VBP1: variants seen among roughly 807,000 people sequenced by gnomAD.
The protein encoded by VBP1 is prefoldin subunit 3.
VBP1 carries 4 observed loss-of-function variants against 15.5 expected under a neutral mutation model. That is an observed-to-expected ratio of 0.26 (90% confidence interval 0.13 to 0.59). VBP1 has a LOEUF of 0.59. VBP1 is among the 20% of genes least tolerant of loss of function. VBP1 has a pLI of 0.90. For missense variants in VBP1, 108 were observed against 139.6 expected (o/e 0.77, Z 1.14); for synonymous variants, 61 against 52.1 (o/e 1.17, Z -0.74).
intron 2 of VBP1, among the ~76,000 whole-genome samples, chrX:155,223,816 C>A (rs1273305788): frequency 9.6e-6 from 1 of 104,654 alleles, no homozygotes; most frequent in South Asian, 4.3e-4. Context: ...GGCGGCTGGC[C>A]GGGCGGGGGC....
intron 1 of VBP1, among the ~76,000 whole-genome samples, chrX:155,217,268 T>C (rs2074669632): frequency 8.9e-6 from 1 of 112,158 alleles, no homozygotes; most frequent in African/African-American, 3.2e-5. Flanking sequence ...CCAGGTTCGC[T>C]AGTGTCCTAG....
chrX:155,203,750 A>G (rs782767008), intron 1 of VBP1, among the ~76,000 whole-genome samples: 1 of 111,081 alleles, frequency 9.0e-6, no homozygotes, highest in Non-Finnish European at 1.9e-5. Flanking sequence ...CCTAAAACTT[A>G]AAGTATAATA....
chrX:155,217,883 GGC>G (rs782140416), intron 1 of VBP1, among the ~76,000 whole-genome samples: 3 of 111,552 alleles, frequency 2.7e-5, no homozygotes, highest in South Asian at 7.5e-4. Flanking sequence ...GGTCCAGACT[GGC>G]AGCTTACCCC....
intron 4 of VBP1, among the ~76,000 whole-genome samples, chrX:155,232,244 G>C (rs2074750783): frequency 9.5e-6 from 1 of 105,779 alleles, no homozygotes; most frequent in Non-Finnish European, 1.9e-5. Context: ...TTTTTTGATA[G>C]ACATTTAGGT....
intron 2 of VBP1, among the ~76,000 whole-genome samples, chrX:155,226,009 T>C (rs782152469): frequency 1.8e-5 from 2 of 112,319 alleles, no homozygotes; most frequent in Admixed American, 9.4e-5. Flanking sequence ...GTGACTTCTT[T>C]TATGTGACGC....
chrX:155,233,291 G>A (rs781911763), intron 4 of VBP1, among the ~76,000 whole-genome samples: 2 of 111,719 alleles, frequency 1.8e-5, no homozygotes, highest in South Asian at 7.8e-4. Context: ...CTCTGTGGTT[G>A]AGGTCCCTGT....
intron 2 of VBP1, among the ~76,000 whole-genome samples, chrX:155,224,814 T>C (rs1450052677): frequency 8.9e-6 from 1 of 112,294 alleles, no homozygotes; most frequent in African/African-American, 3.2e-5. Flanking sequence ...TAATTTTTTT[T>C]CCTCTTTCTT....
At chrX:155,198,826 A>T (rs1379207364) in intron 1 of VBP1, among the ~76,000 whole-genome samples, 1 of 109,593 alleles carries the variant, frequency 9.1e-6, no homozygotes, top group African/African-American at 3.3e-5. Flanking sequence ...ACAGGAGGAA[A>T]TTCAAACCAA....
At chrX:155,217,734 A>G (rs1012606011) in intron 1 of VBP1, among the ~76,000 whole-genome samples, 1 of 111,959 alleles carries the variant, frequency 8.9e-6, no homozygotes, top group Non-Finnish European at 1.9e-5. Context: ...TGATTTTACA[A>G]AACTCGAGGT....
At position 155,220,314 on chromosome X, in the gene VBP1, G is replaced by T; in HGVS notation, c.218+7G>T. The T allele has an allele frequency of 8.7e-7, 1 of 1,142,864 alleles. No individual in the cohort carries two copies. The highest frequency in any genetic ancestry group is 1.2e-6 in the Non-Finnish European group (1 of 864,567). The allele number at this position is 1,142,864 out of a possible 1,213,427, so 94.2% of individuals were successfully genotyped here. A position where few individuals can be genotyped will look rare whatever the true frequency, so the allele number is the denominator to read the frequency against. ...TTGCTCAAAAGAAAAGAAGGTAAGT[G>T]TAAAAATTTCTAAGTTTTGAAAATC... On this transcript the variant is annotated splice_region_variant and intron_variant, in intron 2 of 5. Coordinates refer to ENST00000286428, the MANE Select transcript of VBP1 (RefSeq NM_003372.7).
chrX:155,205,828 G>A lies in VBP1; in HGVS notation c.-30-3046G>A, dbSNP rs782199432. 1.3e-4 allele frequency among the ~76,000 whole-genome samples: 14 copies of A among 111,697 alleles called. No homozygotes were observed. The East Asian group carries it at 3.7e-3, about 29-fold the overall frequency. On this transcript the variant is annotated intron_variant, in intron 1 of 6. Transcript: ENST00000535916. ...TTGAAGTAAGGCAGGAACAACCCATGTTTGTATTAAAGGACATTGAGGTTG... is the reference window on the plus strand; with the variant it reads ...TTGAAGTAAGGCAGGAACAACCCATATTTGTATTAAAGGACATTGAGGTTG...
chrX:155,216,145 G>A (rs1337931348), upstream of VBP1, among the ~76,000 whole-genome samples: 1 of 110,846 alleles, frequency 9.0e-6, no homozygotes, highest in Non-Finnish European at 1.9e-5. Flanking sequence ...GCCAGTTCTA[G>A]GGTCGGGGTG....
At chrX:155,214,767 C>CTTTTTTTTTTTTT (rs2074656436), upstream of VBP1, among the ~76,000 whole-genome samples, 8 of 57,343 alleles carry the variant, frequency 1.4e-4, no homozygotes, top group South Asian at 6.7e-4. Context: ...TTTTTCTTTT[C>CTTTTTTTTTTTTT]CTTTTTTTTT....
chrX:155,216,563 G>C lies in VBP1; in HGVS notation c.81G>C (p.Glu27Asp), dbSNP rs1054919996. The C allele has an allele frequency of 2.0e-5, 23 of 1,167,891 alleles. No homozygotes were observed. Among genetic ancestry groups the C allele is most frequent in the Non-Finnish European group, 2.5e-5 (22 of 873,338 alleles). The change falls in exon 1 of 6, where the codon GAG becomes GAC. Residue 27 changes from glutamate to aspartate, a missense_variant. Glu to Asp is a conservative substitution (Grantham distance 45). Coordinates refer to ENST00000286428, the MANE Select transcript of VBP1 (RefSeq NM_003372.7). ...GGCGGCTCCACCTGGGGATTCCTGA[G>C]GCCGTGTTTGTGGTAAGAGGCACGC... Reference protein sequence around the residue: ...NGRRLHLGIPEAVFVEDVDSF... With the variant: ...NGRRLHLGIPDAVFVEDVDSF...
chrX:155,201,718 C>G (rs1267164849), intron 1 of VBP1, among the ~76,000 whole-genome samples: 1 of 104,143 alleles, frequency 9.6e-6, no homozygotes, highest in East Asian at 2.9e-4. Flanking sequence ...GATGCCCTCT[C>G]TCACCACTCC....
chrX:155,208,852 T>C, intron 1 of VBP1: 1 of 1,047,589 alleles, frequency 9.5e-7, no homozygotes, highest in Non-Finnish European at 1.3e-6. Context: ...TTTAACTGAT[T>C]GTTTTCTTTT....
intron 2 of VBP1, among the ~76,000 whole-genome samples, chrX:155,222,307 A>G (rs2074693100): frequency 1.8e-5 from 2 of 111,202 alleles, no homozygotes; most frequent in Admixed American, 9.5e-5. Context: ...AACGTGGCAA[A>G]ACCCTATATC....
At chrX:155,221,922 G>C (rs1557309611) in intron 2 of VBP1, among the ~76,000 whole-genome samples, 2 of 112,342 alleles carry the variant, frequency 1.8e-5, no homozygotes. Flanking sequence ...AAGCAAGATA[G>C]AAAACATTAA....
At chrX:155,227,607 C>G (rs2074725209) in intron 3 of VBP1, among the ~76,000 whole-genome samples, 1 of 112,521 alleles carries the variant, frequency 8.9e-6, no homozygotes, top group African/African-American at 3.2e-5. Flanking sequence ...TCTGTGCTAG[C>G]AGCATCTAGG....
Sources: allele counts gnomAD v4.1 joint callset (sites outside exome capture counted in the v4.1 genomes callset), GRCh38; gene constraint gnomAD v4.1.1; transcripts MANE v1.5; gene names NCBI Gene and HGNC (gene_info 2026-07-23, HGNC 2026-07-21).